The following ZBTB20 variants were observed in gnomAD, a reference collection of about 807,000 sequenced individuals.
ZBTB20 encodes zinc finger and BTB domain-containing protein 20.
In ZBTB20, 9 loss-of-function variants were observed where a neutral mutation model predicts 56.9. That is an observed-to-expected ratio of 0.16 (90% confidence interval 0.10 to 0.28). The LOEUF (loss-of-function observed/expected upper bound fraction) is 0.28, where lower values mean the gene tolerates loss of function less well. Ranked by LOEUF, ZBTB20 falls within the 10% of genes least tolerant of loss-of-function variation. The probability of loss-of-function intolerance (pLI) is 1.00; values close to 1 mark genes in which losing one functional copy is unlikely to be tolerated. For synonymous variants in ZBTB20, 417 were observed against 420.7 expected, an observed-to-expected ratio of 0.99 and a Z score of 0.11; for missense variants, 655 against 1,003.0, an observed-to-expected ratio of 0.65 and a Z score of 4.69.
chr3:114,464,878 A>T (rs181174658), intron 7 of ZBTB20, among the ~76,000 whole-genome samples: 1 of 152,300 alleles, frequency 6.6e-6, no homozygotes, highest in Admixed American at 6.5e-5. Flanking sequence ...GCACTACAAT[A>T]ACAGGACTAA....
chr3:114,856,313 G>A (rs772804429), intron 4 of ZBTB20, among the ~76,000 whole-genome samples: 5 of 152,232 alleles, frequency 3.3e-5, no homozygotes, highest in Non-Finnish European at 7.4e-5. Context: ...ATTTTTGGAA[G>A]AGAGATTCAG....
At chr3:114,424,253 G>A (rs1384755890) in intron 7 of ZBTB20, among the ~76,000 whole-genome samples, 1 of 152,162 alleles carries the variant, frequency 6.6e-6, no homozygotes, top group Admixed American at 6.5e-5. Context: ...AGTAATCATA[G>A]ATACAAAGCA....
intron 5 of ZBTB20, among the ~76,000 whole-genome samples, chr3:114,777,866 T>C (rs775023790): frequency 7.8e-4 from 119 of 151,632 alleles, no homozygotes; most frequent in African/African-American, 2.7e-3. Context: ...CAATGATAGA[T>C]TGGATTAAGA....
chr3:114,401,083 G>GACACAAACACACAC (rs1553702762), intron 7 of ZBTB20, among the ~76,000 whole-genome samples: 2 of 133,022 alleles, frequency 1.5e-5, no homozygotes, highest in African/African-American at 6.1e-5. Flanking sequence ...CTACCTCCCA[G>GACACAAACACACAC]ACACACACAC....
At chr3:114,907,772 A>G (rs1282456616) in intron 3 of ZBTB20, among the ~76,000 whole-genome samples, 2 of 151,954 alleles carry the variant, frequency 1.3e-5, no homozygotes, top group Non-Finnish European at 1.5e-5. Flanking sequence ...TTACTATGTG[A>G]CAGGCATTGT....
chr3:115,109,947 C>T (rs962875152), intron 1 of ZBTB20, among the ~76,000 whole-genome samples: 1 of 152,254 alleles, frequency 6.6e-6, no homozygotes, highest in East Asian at 1.9e-4. Flanking sequence ...CTGTGGCTCA[C>T]GCCTGTAATC....
intron 5 of ZBTB20, among the ~76,000 whole-genome samples, chr3:114,733,211 A>C (rs575543135): frequency 4.3e-4 from 65 of 152,290 alleles, no homozygotes; most frequent in Admixed American, 4.1e-3. Context: ...ATGAATTCAC[A>C]GCATACTATA....
At chr3:114,899,300 G>T (rs1306690107) in intron 4 of ZBTB20, among the ~76,000 whole-genome samples, 1 of 152,030 alleles carries the variant, frequency 6.6e-6, no homozygotes, top group Non-Finnish European at 1.5e-5. Context: ...TATGCCCCAT[G>T]TGTCCACTAA....
chr3:114,822,709 C>G (rs754227843), intron 4 of ZBTB20, among the ~76,000 whole-genome samples: 1 of 151,958 alleles, frequency 6.6e-6, no homozygotes, highest in Non-Finnish European at 1.5e-5. Context: ...CTATAAAGCA[C>G]CATACACAGA....
chr3:114,794,614 T>C (rs561894603), intron 5 of ZBTB20, among the ~76,000 whole-genome samples: 8 of 152,244 alleles, frequency 5.3e-5, no homozygotes, highest in African/African-American at 1.9e-4. Flanking sequence ...AATCCTCATA[T>C]CTTTAGAGCT....
At chr3:115,063,038 T>C (rs1337819780) in intron 2 of ZBTB20, among the ~76,000 whole-genome samples, 1 of 152,186 alleles carries the variant, frequency 6.6e-6, no homozygotes, top group Non-Finnish European at 1.5e-5. Context: ...TTGTAACATA[T>C]ATTTAAGGTC....
chr3:114,436,720 C>G (rs1339922761), intron 7 of ZBTB20, among the ~76,000 whole-genome samples: 1 of 152,178 alleles, frequency 6.6e-6, no homozygotes, highest in African/African-American at 2.4e-5. Flanking sequence ...CCTCCAGGAA[C>G]AAAGTTTGCT....
chr3:115,138,672 C>T (rs1040456515), intron 1 of ZBTB20, among the ~76,000 whole-genome samples: 1 of 151,998 alleles, frequency 6.6e-6, no homozygotes, highest in African/African-American at 2.4e-5. Flanking sequence ...CTTCGCATAT[C>T]TTTAAAATTG....
chr3:114,360,504 G>A (rs1206268341), intron 10 of ZBTB20, among the ~76,000 whole-genome samples: 3 of 150,650 alleles, frequency 2.0e-5, no homozygotes, highest in African/African-American at 4.9e-5. Flanking sequence ...TACCAAACTC[G>A]GCTAATTTTT....
Position 114,316,648 on chromosome 3 carries a change from A to C in ZBTB20, c.*22357T>G. 2.0e-6 allele frequency: 1 copy of C among 496,520 alleles called. No homozygotes were observed. The highest frequency in any genetic ancestry group is 4.1e-6 in the Non-Finnish European group (1 of 243,528). The allele number at this position is 496,520 out of a possible 1,614,324, so 30.8% of individuals were successfully genotyped here. ...TTCCCCTGCTCCCTCTGTATATTTT[A>C]AACAGTCTGGAGCTTTAATTTATTT... On this transcript the variant is annotated 3_prime_UTR_variant, in exon 12 of 12. Transcript: ENST00000675478.
chr3:115,085,610 G>A (rs775014534), intron 1 of ZBTB20, among the ~76,000 whole-genome samples: 10 of 151,916 alleles, frequency 6.6e-5, no homozygotes, highest in Non-Finnish European at 1.3e-4. Context: ...TTTTTCAAAT[G>A]TATCCAGAAA....
chr3:114,784,608 T>C (rs1283330091), intron 5 of ZBTB20, among the ~76,000 whole-genome samples: 1 of 152,198 alleles, frequency 6.6e-6, no homozygotes, highest in East Asian at 1.9e-4. Flanking sequence ...ATTTGAGTGC[T>C]CTGTGTTTAA....
intron 6 of ZBTB20, among the ~76,000 whole-genome samples, chr3:114,591,013 G>C (rs1292417438): frequency 6.6e-6 from 1 of 152,174 alleles, no homozygotes; most frequent in Non-Finnish European, 1.5e-5. Flanking sequence ...GAAGAAAAGA[G>C]AGAAAGCCTT....
intron 4 of ZBTB20, among the ~76,000 whole-genome samples, chr3:114,866,304 C>A (rs1046822929): frequency 3.9e-4 from 60 of 152,074 alleles, no homozygotes; most frequent in Middle Eastern, 3.2e-3. Flanking sequence ...GAGTAATTTG[C>A]CTATTGTTAT....
Sources: allele counts gnomAD v4.1 joint callset (sites outside exome capture counted in the v4.1 genomes callset), GRCh38; gene constraint gnomAD v4.1.1; transcripts MANE v1.5; gene names NCBI Gene and HGNC (gene_info 2026-07-23, HGNC 2026-07-21).